Variants in NRXN3 observed in about 807,000 individuals in gnomAD.
NRXN3 encodes neurexin III.
In NRXN3, 32 loss-of-function variants were observed where a neutral mutation model predicts 137.6. The observed-to-expected ratio is 0.23, with a 90% CI of 0.18 to 0.31. The LOEUF (loss-of-function observed/expected upper bound fraction) is 0.31, where lower values mean the gene tolerates loss of function less well. Among genes scored for constraint, NRXN3 ranks in the 10% least tolerant of loss-of-function variants. NRXN3 has a pLI of 1.00. For synonymous variants in NRXN3, 798 were observed against 784.5 expected (o/e 1.02, Z -0.29); for missense variants, 1,574 against 2,062.5 (o/e 0.76, Z 4.59).
chr14:78,709,962 G>A, intron 7 of NRXN3: 2 of 353,654 alleles, frequency 5.7e-6, no homozygotes, highest in Non-Finnish European at 5.2e-6. Flanking sequence ...CATGTCACTG[G>A]TGTGATCCGC....
chr14:78,695,912 A>G (rs2098221090), intron 6 of NRXN3: 1 of 152,072 alleles, frequency 6.6e-6, no homozygotes, highest in African/African-American at 2.4e-5. Context: ...GAACTTCAGT[A>G]CCTAAAATTG....
chr14:78,426,893 G>C (rs900862177), intron 4 of NRXN3, among the ~76,000 whole-genome samples: 7 of 152,164 alleles, frequency 4.6e-5, no homozygotes, highest in African/African-American at 1.7e-4. Context: ...GGAGGTTAGA[G>C]ATCCTGCCCA....
At chr14:78,633,123 C>A (rs376350785) in intron 4 of NRXN3, among the ~76,000 whole-genome samples, 1 of 150,976 alleles carries the variant, frequency 6.6e-6, no homozygotes, top group Non-Finnish European at 1.5e-5. Context: ...GGTGTGGTGG[C>A]GGGTGCCTGT....
At chr14:78,621,312 ATT>A (rs967652466) in intron 4 of NRXN3, among the ~76,000 whole-genome samples, 5 of 152,140 alleles carry the variant, frequency 3.3e-5, no homozygotes, top group African/African-American at 1.2e-4. Context: ...TATTTTCCTA[ATT>A]TAGTCATGTT....
At chr14:79,257,914 T>G (rs1450155163) in intron 15 of NRXN3, among the ~76,000 whole-genome samples, 1 of 152,080 alleles carries the variant, frequency 6.6e-6, no homozygotes, top group Non-Finnish European at 1.5e-5. Context: ...TATTCAATTT[T>G]AAACTTTTCT....
chr14:79,363,157 C>T (rs2093748391), intron 15 of NRXN3, among the ~76,000 whole-genome samples: 1 of 152,060 alleles, frequency 6.6e-6, no homozygotes, highest in Non-Finnish European at 1.5e-5. Context: ...CCCACAACCG[C>T]ACCTGGCTAA....
intron 2 of NRXN3, among the ~76,000 whole-genome samples, chr14:78,261,268 G>A (rs939800372): frequency 6.6e-6 from 1 of 152,190 alleles, no homozygotes; most frequent in African/African-American, 2.4e-5. Flanking sequence ...TCATTGACCT[G>A]TCTTTTGACC....
At chr14:79,299,126 T>C (rs1455799698) in intron 15 of NRXN3, among the ~76,000 whole-genome samples, 2 of 152,224 alleles carry the variant, frequency 1.3e-5, no homozygotes, top group East Asian at 3.9e-4. Context: ...TTATTTGCTT[T>C]TGTTTTATCT....
intron 4 of NRXN3, among the ~76,000 whole-genome samples, chr14:78,526,318 C>T (rs929016036): frequency 6.6e-6 from 1 of 152,192 alleles, no homozygotes; most frequent in African/African-American, 2.4e-5. Flanking sequence ...TCTCTCTTGA[C>T]TTTGAAGAGA....
At chr14:79,608,176 A>G (rs201539764) in intron 16 of NRXN3, among the ~76,000 whole-genome samples, 92 of 152,276 alleles carry the variant, frequency 6.0e-4, no homozygotes, top group Non-Finnish European at 1.1e-3. Context: ...GCTAGATGTA[A>G]TGAGGATTCT....
chr14:79,470,923 A>T (rs1407828152), intron 16 of NRXN3, among the ~76,000 whole-genome samples: 27 of 97,400 alleles, frequency 2.8e-4, no homozygotes, highest in African/African-American at 1.2e-3. Flanking sequence ...TGTGTGTGAG[A>T]GAGAGAGAGA....
At chr14:78,673,644 G>C (rs1256274351) in intron 6 of NRXN3, among the ~76,000 whole-genome samples, 1 of 152,220 alleles carries the variant, frequency 6.6e-6, no homozygotes, top group Non-Finnish European at 1.5e-5. Flanking sequence ...ATCAAGGCCT[G>C]CTTCTTGGTC....
chr14:78,797,098 G>C (rs1018402860), intron 8 of NRXN3, among the ~76,000 whole-genome samples: 18 of 152,244 alleles, frequency 1.2e-4, no homozygotes, highest in African/African-American at 4.1e-4. Flanking sequence ...TACTTATATT[G>C]ATACACTCAC....
intron 16 of NRXN3, among the ~76,000 whole-genome samples, chr14:79,595,195 A>G (rs2097848173): frequency 1.3e-5 from 2 of 152,164 alleles, no homozygotes; most frequent in Non-Finnish European, 2.9e-5. Context: ...AGTCAGTTCT[A>G]TGAGAATGGT....
chr14:79,059,681 G>T (rs978131535), intron 15 of NRXN3, among the ~76,000 whole-genome samples: 3 of 152,128 alleles, frequency 2.0e-5, no homozygotes, highest in African/African-American at 7.2e-5. Flanking sequence ...CCTCAAGTCA[G>T]CTTTTTGGCT....
intron 4 of NRXN3, among the ~76,000 whole-genome samples, chr14:78,357,778 G>C (rs746491094): frequency 5.3e-5 from 8 of 152,182 alleles, no homozygotes; most frequent in Non-Finnish European, 1.0e-4. Context: ...CTCTTCACAT[G>C]AATCTATGAT....
chr14:79,733,471 G>A (rs577985495), intron 19 of NRXN3, among the ~76,000 whole-genome samples: 19 of 152,166 alleles, frequency 1.2e-4, no homozygotes, highest in East Asian at 3.9e-4. Flanking sequence ...AAAACGTGCC[G>A]CTAAAACCTT....
chr14:78,960,977 A>G (rs1245488348), intron 11 of NRXN3, among the ~76,000 whole-genome samples: 1 of 151,196 alleles, frequency 6.6e-6, no homozygotes, highest in Non-Finnish European at 1.5e-5. Context: ...GCTAATGTAC[A>G]TTGCAAATCA....
At chr14:79,678,025 T>C (rs1017831516) in intron 17 of NRXN3, among the ~76,000 whole-genome samples, 58 of 152,174 alleles carry the variant, frequency 3.8e-4, no homozygotes, top group Non-Finnish European at 1.5e-5. Context: ...TCTGTCAGGT[T>C]ACAGTGGCTT....
Sources: allele counts gnomAD v4.1 joint callset (sites outside exome capture counted in the v4.1 genomes callset), GRCh38; gene constraint gnomAD v4.1.1; transcripts MANE v1.5; gene names NCBI Gene and HGNC (gene_info 2026-07-23, HGNC 2026-07-21).